The following CSMD1 variants were observed in gnomAD, a reference collection of about 807,000 sequenced individuals.
CSMD1 encodes the protein CUB and Sushi multiple domains 1.
Under a neutral mutation model 417.5 loss-of-function variants are expected in CSMD1, and 213 were observed. The observed-to-expected ratio is 0.51, with a 90% CI of 0.46 to 0.57. The LOEUF (loss-of-function observed/expected upper bound fraction) is 0.57. Ranked by LOEUF, CSMD1 falls within the 20% of genes least tolerant of loss-of-function variation. The pLI, the probability that CSMD1 is intolerant of heterozygous loss-of-function variation, is 0.00. For missense variants in CSMD1, 6,923 were observed against 4,529.7 expected (o/e 1.53, Z -15.17); for synonymous variants, 2,862 against 1,736.8 (o/e 1.65, Z -16.11).
At chr8:4,157,826 C>A (rs966000784) in intron 3 of CSMD1, among the ~76,000 whole-genome samples, 1 of 152,182 alleles carries the variant, frequency 6.6e-6, no homozygotes, top group Non-Finnish European at 1.5e-5. Flanking sequence ...TAGTCAGTCT[C>A]CTATCCTCCC....
chr8:4,901,965 A>G (rs1308863918), intron 1 of CSMD1, among the ~76,000 whole-genome samples: 9 of 152,198 alleles, frequency 5.9e-5, no homozygotes, highest in Non-Finnish European at 8.8e-5. Context: ...GTCAAATACC[A>G]AAGACATAAT....
At chr8:4,145,099 G>C (rs953168329) in intron 3 of CSMD1, among the ~76,000 whole-genome samples, 2 of 151,042 alleles carry the variant, frequency 1.3e-5, no homozygotes, top group Non-Finnish European at 2.9e-5. Context: ...AATGTAACTT[G>C]GTTAAGAATA....
chr8:4,154,670 T>G (rs1034002679), intron 3 of CSMD1, among the ~76,000 whole-genome samples: 6 of 152,216 alleles, frequency 3.9e-5, no homozygotes, highest in African/African-American at 1.4e-4. Flanking sequence ...CCTTAGTTGA[T>G]AACCTGAGAA....
chr8:4,830,508 T>C (rs1800087759), intron 1 of CSMD1, among the ~76,000 whole-genome samples: 1 of 152,234 alleles, frequency 6.6e-6, no homozygotes, highest in Non-Finnish European at 1.5e-5. Flanking sequence ...AAGAAGCTAC[T>C]GCCTGACAAT....
At chr8:3,304,518 T>G (rs1462668339) in intron 25 of CSMD1, among the ~76,000 whole-genome samples, 1 of 152,166 alleles carries the variant, frequency 6.6e-6, no homozygotes, top group African/African-American at 2.4e-5. Flanking sequence ...ATTAAGTTGA[T>G]TGTCAATTGA....
At chr8:3,650,068 CA>C (rs1231114439) in intron 7 of CSMD1, among the ~76,000 whole-genome samples, 1 of 152,130 alleles carries the variant, frequency 6.6e-6, no homozygotes, top group Non-Finnish European at 1.5e-5. Flanking sequence ...CACTTGAGGT[CA>C]AGAGTTTGAG....
intron 18 of CSMD1, among the ~76,000 whole-genome samples, chr8:3,371,593 A>G (rs997889541): frequency 6.6e-6 from 1 of 152,042 alleles, no homozygotes; most frequent in East Asian, 1.9e-4. Flanking sequence ...ACTTCTTCCA[A>G]TTAGTATGAT....
At chr8:3,446,064 G>A (rs1490815465) in intron 12 of CSMD1, among the ~76,000 whole-genome samples, 1 of 152,082 alleles carries the variant, frequency 6.6e-6, no homozygotes, top group African/African-American at 2.4e-5. Flanking sequence ...AAGGTGAACA[G>A]TCTGGAAAGA....
chr8:2,956,320 G>A (rs916899597), intron 63 of CSMD1, among the ~76,000 whole-genome samples: 6 of 151,698 alleles, frequency 4.0e-5, no homozygotes, highest in Admixed American at 6.6e-5. Flanking sequence ...TATAATTTAG[G>A]AATAAATGAG....
chr8:4,548,840 G>T (rs761588415), intron 2 of CSMD1, among the ~76,000 whole-genome samples: 2 of 152,042 alleles, frequency 1.3e-5, no homozygotes, highest in South Asian at 4.2e-4. Context: ...CTTGGTCTTG[G>T]GGGGACATGT....
chr8:3,613,786 C>T (rs939770891), intron 8 of CSMD1, among the ~76,000 whole-genome samples: 23 of 150,858 alleles, frequency 1.5e-4, no homozygotes, highest in Admixed American at 1.5e-3. Context: ...TGATAAAGGG[C>T]ATCTATGAAA....
At chr8:3,820,062 C>CACTTAAG (rs1284896986) in intron 5 of CSMD1, among the ~76,000 whole-genome samples, 1 of 152,172 alleles carries the variant, frequency 6.6e-6, no homozygotes, top group Non-Finnish European at 1.5e-5. Context: ...AGTACATTTC[C>CACTTAAG]ACTTAAGACG....
intron 1 of CSMD1, among the ~76,000 whole-genome samples, chr8:4,901,912 G>A (rs113393017): frequency 0.012 from 1,772 of 152,142 alleles, 24 homozygotes; most frequent in African/African-American, 0.039. Context: ...CCCTAAATAC[G>A]TTAAAAAGAT....
intron 7 of CSMD1, among the ~76,000 whole-genome samples, chr8:3,624,586 A>G (rs1796404716): frequency 6.6e-6 from 1 of 152,162 alleles, no homozygotes; most frequent in South Asian, 2.1e-4. Flanking sequence ...AAGCCTTCAG[A>G]GAGGTGACGT....
At chr8:3,359,865 A>C (rs1302809902) in intron 20 of CSMD1, among the ~76,000 whole-genome samples, 1 of 152,218 alleles carries the variant, frequency 6.6e-6, no homozygotes, top group Non-Finnish European at 1.5e-5. Flanking sequence ...CACCCCATAA[A>C]TGTGTACAAT....
At chr8:4,359,500 T>A (rs913531408) in intron 3 of CSMD1, among the ~76,000 whole-genome samples, 1 of 152,256 alleles carries the variant, frequency 6.6e-6, no homozygotes. Flanking sequence ...TTGTCTCTTA[T>A]AGACTTCCCC....
intron 23 of CSMD1, among the ~76,000 whole-genome samples, chr8:3,332,432 G>A (rs371446057): frequency 1.2e-4 from 18 of 152,344 alleles, no homozygotes; most frequent in Admixed American, 6.5e-4. Context: ...GAGAGGAGGG[G>A]CCTGGAAGGC....
At chr8:3,968,865 A>C (rs780630774) in intron 5 of CSMD1, among the ~76,000 whole-genome samples, 1 of 152,230 alleles carries the variant, frequency 6.6e-6, no homozygotes, top group African/African-American at 2.4e-5. Flanking sequence ...ATCACACATC[A>C]TCTTTTCTTG....
chr8:3,456,392 G>A (rs6996643), intron 12 of CSMD1, among the ~76,000 whole-genome samples: 11,450 of 152,064 alleles, frequency 0.075, 1,030 homozygotes, highest in East Asian at 0.22. Context: ...CATCCCTCAC[G>A]CTGGGAGCTG....
Sources: gnomAD v4.1 joint callset for allele counts (sites outside exome capture counted in the v4.1 genomes callset) on GRCh38, gnomAD v4.1.1 for gene constraint, MANE v1.5 for transcripts, NCBI Gene and HGNC (gene_info 2026-07-23, HGNC 2026-07-21) for gene names.